Variants in PRKAR2A observed in about 807,000 individuals in gnomAD.
PRKAR2A encodes cAMP-dependent protein kinase type II-alpha regulatory subunit.
A neutral mutation model predicts 51.9 loss-of-function variants in PRKAR2A; 29 were observed. That is an observed-to-expected ratio of 0.56 (90% CI 0.42 to 0.76). The LOEUF is 0.76. Among genes scored for constraint, PRKAR2A ranks in the 30% least tolerant of loss-of-function variants. PRKAR2A has a pLI of 0.00. For missense variants in PRKAR2A, 445 were observed against 512.1 expected, an observed-to-expected ratio of 0.87 and a Z score of 1.26; for synonymous variants, 178 against 186.2, an observed-to-expected ratio of 0.96 and a Z score of 0.36.
chr3:48,769,716 A>T (rs1368211610), intron 6 of PRKAR2A, among the ~76,000 whole-genome samples: 5 of 151,482 alleles, frequency 3.3e-5, no homozygotes, highest in African/African-American at 1.2e-4. Flanking sequence ...ACCTCAGGTG[A>T]TCTGCCCACC....
chr3:48,781,503 G>A (rs974072090), intron 5 of PRKAR2A, among the ~76,000 whole-genome samples: 6 of 151,146 alleles, frequency 4.0e-5, no homozygotes, highest in African/African-American at 9.7e-5. Flanking sequence ...CACCACGCCC[G>A]GTTACTTTTT....
intron 3 of PRKAR2A, among the ~76,000 whole-genome samples, chr3:48,791,592 CAAAAAAAAA>C (rs35978535): frequency 2.4e-5 from 1 of 41,814 alleles, no homozygotes; most frequent in Non-Finnish European, 3.9e-5. Flanking sequence ...GATTCCGTCT[CAAAAAAAAA>C]AAAAAAAAAA....
intron 9 of PRKAR2A, among the ~76,000 whole-genome samples, chr3:48,753,079 C>T (rs966278581): frequency 1.3e-5 from 2 of 151,328 alleles, no homozygotes; most frequent in Admixed American, 1.3e-4. Flanking sequence ...ACCACAGGCG[C>T]CCGCCACCAC....
In PRKAR2A at chr3:48,750,054, C is replaced by G. The variant is rs1305696638; in HGVS notation, c.*1531G>C. ...GGACTACATGCATGCATCACCACAC[C>G]TGACAAATTAAAAAAAAATTTTTTT... is the stretch of plus-strand genomic sequence containing the variant. On this transcript the variant is annotated 3_prime_UTR_variant, in exon 11 of 11. Transcript: ENST00000265563. 1 of 151,830 alleles carries G rather than the reference C, an allele frequency of 6.6e-6. No homozygotes were observed. The highest frequency in any genetic ancestry group is 2.4e-5 in the African/African-American group (1 of 41,338). 9.4% of individuals were successfully genotyped at this position (151,830 alleles called of 1,614,324 possible).
chr3:48,794,196 G>A, intron 2 of PRKAR2A, 147 bp from the exon 3 acceptor site: 1 of 624,494 alleles, frequency 1.6e-6, no homozygotes, highest in Non-Finnish European at 2.7e-6. Context: ...TTGTTGCCCA[G>A]GCTGGAGTAC....
intron 6 of PRKAR2A, among the ~76,000 whole-genome samples, chr3:48,767,430 G>A (rs2081957149): frequency 6.6e-6 from 1 of 152,022 alleles, no homozygotes; most frequent in Non-Finnish European, 1.5e-5. Context: ...AGTGAGCCGA[G>A]ATCATGCCAC....
At chr3:48,771,989 A>C (rs1038769673) in intron 6 of PRKAR2A, among the ~76,000 whole-genome samples, 1 of 152,112 alleles carries the variant, frequency 6.6e-6, no homozygotes, top group Non-Finnish European at 1.5e-5. Flanking sequence ...TACCTGTTAG[A>C]AGATCTGGAT....
intron 1 of PRKAR2A, among the ~76,000 whole-genome samples, chr3:48,818,699 C>T: frequency 6.6e-6 from 1 of 152,140 alleles, no homozygotes; most frequent in South Asian, 2.1e-4. Context: ...GCTGTGATTA[C>T]ACCACTGCAC....
Position 48,756,382 on chromosome 3 carries a change from G to C in PRKAR2A, c.936C>G (p.Ser312Arg). 4 of 1,612,756 alleles carry C rather than the reference G, an allele frequency of 2.5e-6. No individual in the cohort carries two copies. The highest frequency in any genetic ancestry group is 3.4e-6 in the Non-Finnish European group (4 of 1,178,972). The change falls in exon 9 of 11, where the codon AGC becomes AGG. Residue 312 changes from serine to arginine, a missense_variant. Ser to Arg is a moderately radical substitution (Grantham distance 110). Coordinates refer to ENST00000265563, the MANE Select transcript of PRKAR2A (RefSeq NM_004157.4). ...ACATATAAACTGATAAACTCACCCTGCTTCTAATCAAGATGCTCACTTCGC... is the reference window on the plus strand; with the variant it reads ...ACATATAAACTGATAAACTCACCCTCCTTCTAATCAAGATGCTCACTTCGC... ...ESGEVSILIR[S>R]RTKSNKDGGN...
chr3:48,764,686 G>A (rs560092288), intron 8 of PRKAR2A, among the ~76,000 whole-genome samples: 40 of 152,134 alleles, frequency 2.6e-4, no homozygotes, highest in Middle Eastern at 3.4e-3. Flanking sequence ...AGGCAGTGGC[G>A]CAATCTCGAC....
intron 1 of PRKAR2A, among the ~76,000 whole-genome samples, chr3:48,840,567 C>CG (rs2083361497): frequency 1.4e-5 from 1 of 69,468 alleles, no homozygotes; most frequent in African/African-American, 5.0e-5. Flanking sequence ...TTGTTTTCAC[C>CG]TTTTTTTTTT....
At chr3:48,758,697 A>G (rs1432958594) in intron 8 of PRKAR2A, among the ~76,000 whole-genome samples, 1 of 152,110 alleles carries the variant, frequency 6.6e-6, no homozygotes, top group Non-Finnish European at 1.5e-5. Flanking sequence ...AGGGGAGCTC[A>G]TATAGAATAG....
In PRKAR2A at chr3:48,751,547, T is replaced by G. The variant is rs772447291; in HGVS notation, c.*38A>C. ...GTGTTCTGTGGCTGACCAGAAGGTT[T>G]TGGTGTCACACTAAGAAGGCTCTGG... On this transcript the variant is annotated 3_prime_UTR_variant, in exon 11 of 11. Coordinates refer to ENST00000265563, the MANE Select transcript of PRKAR2A (RefSeq NM_004157.4). 4.4e-6 allele frequency: 7 copies of G among 1,603,450 alleles called. No individual in the cohort carries two copies. In the South Asian group the frequency reaches 7.7e-5, roughly 18 times the overall value.
intron 1 of PRKAR2A, among the ~76,000 whole-genome samples, chr3:48,836,831 T>A (rs1022047352): frequency 2.2e-4 from 33 of 149,378 alleles, no homozygotes; most frequent in African/African-American, 2.0e-4. Context: ...AAAAAAAAAA[T>A]TTTGTTTAGT....
At chr3:48,842,567 T>C (rs2083397970) in intron 1 of PRKAR2A, among the ~76,000 whole-genome samples, 2 of 152,222 alleles carry the variant, frequency 1.3e-5, no homozygotes, top group South Asian at 4.1e-4. Context: ...AGATAGCTCT[T>C]ATTATTTTGA....
Position 48,775,004 on chromosome 3 carries a change from G to A in PRKAR2A, c.543-1896C>T, listed in dbSNP as rs150546256. ...TGTAGGTTTTTAATAAATGCCTTTA[G>A]TCTAGTTAGGGAAAGTTATTTTTGT... is the stretch of plus-strand genomic sequence containing the variant. On this transcript the variant is annotated intron_variant, in intron 5 of 10. Coordinates refer to ENST00000265563, the MANE Select transcript of PRKAR2A (RefSeq NM_004157.4). Among the ~76,000 whole-genome samples the A allele has an allele frequency of 2.4e-3, 367 of 152,236 alleles. 1 individual carries two copies. Among genetic ancestry groups the A allele is most frequent in the Middle Eastern group, 0.02 (6 of 294 alleles).
chr3:48,820,165 A>G (rs1055520961), intron 1 of PRKAR2A, among the ~76,000 whole-genome samples: 3 of 152,232 alleles, frequency 2.0e-5, no homozygotes, highest in Non-Finnish European at 2.9e-5. Flanking sequence ...CTCGCTCTTT[A>G]GTTTGGATCA....
chr3:48,819,404 T>A (rs2082925785), intron 1 of PRKAR2A, among the ~76,000 whole-genome samples: 1 of 152,142 alleles, frequency 6.6e-6, no homozygotes, highest in South Asian at 2.1e-4. Context: ...ACATATACCC[T>A]TCACAACAAC....
chr3:48,770,588 G>A (rs1340545470), intron 6 of PRKAR2A, among the ~76,000 whole-genome samples: 1 of 152,150 alleles, frequency 6.6e-6, no homozygotes, highest in Non-Finnish European at 1.5e-5. Context: ...TGCAAAGCAA[G>A]TCAATTAACA....
Sources: gnomAD v4.1 joint callset for allele counts (sites outside exome capture counted in the v4.1 genomes callset) on GRCh38, gnomAD v4.1.1 for gene constraint, MANE v1.5 for transcripts, NCBI Gene and HGNC (gene_info 2026-07-23, HGNC 2026-07-21) for gene names.